Variants in AK8 observed in about 807,000 individuals in gnomAD.
AK8 encodes the protein adenylate kinase 8.
A neutral mutation model predicts 54.6 loss-of-function variants in AK8; 44 were observed. The ratio of observed to expected loss-of-function variants is 0.81; its 90% CI spans 0.63 to 1.04. The LOEUF is 1.04. AK8 is among the 50% of genes least tolerant of loss of function. The probability of loss-of-function intolerance (pLI) is 0.00; values close to 1 mark genes in which losing one functional copy is unlikely to be tolerated. For synonymous variants in AK8, 239 were observed against 245.6 expected (o/e 0.97, Z 0.25); for missense variants, 555 against 613.6 (o/e 0.90, Z 1.01).
intron 11 of AK8, among the ~76,000 whole-genome samples, chr9:132,789,319 T>C (rs1435091486): frequency 1.3e-5 from 2 of 149,084 alleles, no homozygotes; most frequent in Non-Finnish European, 1.5e-5. Context: ...CAAATTTGGC[T>C]AGGTGCAGTA....
At chr9:132,863,390 C>G (rs1236984558) in intron 4 of AK8, among the ~76,000 whole-genome samples, 1 of 152,266 alleles carries the variant, frequency 6.6e-6, no homozygotes, top group East Asian at 1.9e-4. Flanking sequence ...CCTGGACCAT[C>G]CCACCAAGGG....
chr9:132,738,796 C>T (rs980836803), intron 11 of AK8, among the ~76,000 whole-genome samples: 5 of 151,362 alleles, frequency 3.3e-5, no homozygotes, highest in African/African-American at 1.2e-4. Flanking sequence ...CTCTGCCCCC[C>T]CAGGCTGGAG....
At chr9:132,827,123 TG>T in intron 7 of AK8, 69 bp from the exon 8 acceptor site, 5 of 1,528,762 alleles carry the variant, frequency 3.3e-6, no homozygotes, top group Non-Finnish European at 4.5e-6. Context: ...TGTGCCTGGC[TG>T]GGGTGCTTGC....
At chr9:132,754,092 G>A (rs1319482790) in intron 11 of AK8, among the ~76,000 whole-genome samples, 1 of 152,126 alleles carries the variant, frequency 6.6e-6, no homozygotes, top group Non-Finnish European at 1.5e-5. Context: ...AACCCACTGA[G>A]GTCAGCAGAA....
chr9:132,866,840 C>T (rs373524770), intron 3 of AK8, 64 bp downstream of exon 3: 3 of 1,492,582 alleles, frequency 2.0e-6, no homozygotes, highest in South Asian at 1.1e-5. Flanking sequence ...GGTGCAGTCT[C>T]ATTCCAGCTC....
intron 5 of AK8, among the ~76,000 whole-genome samples, chr9:132,829,357 C>T (rs62576258): frequency 6.6e-4 from 100 of 152,096 alleles, no homozygotes; most frequent in Non-Finnish European, 1.3e-3. Flanking sequence ...TGTGCAATGT[C>T]CCACCAAGAG....
At chr9:132,779,480 C>T (rs532758193) in intron 11 of AK8, among the ~76,000 whole-genome samples, 12 of 152,316 alleles carry the variant, frequency 7.9e-5, no homozygotes, top group African/African-American at 2.4e-4. Flanking sequence ...CACCACCATG[C>T]GCGGCTTAGC....
At chr9:132,811,529 C>T (rs1343785146) in intron 10 of AK8, among the ~76,000 whole-genome samples, 2 of 152,374 alleles carry the variant, frequency 1.3e-5, no homozygotes, top group East Asian at 3.9e-4. Flanking sequence ...GGAAGGAGCA[C>T]AGCCCTACTA....
chr9:132,725,933 G>C lies in AK8; in HGVS notation c.1203-8C>G. 1 of 1,607,692 alleles carries C rather than the reference G, an allele frequency of 6.2e-7. No homozygotes were observed. The highest frequency in any genetic ancestry group is 8.5e-7 in the Non-Finnish European group (1 of 1,176,784). On this transcript the variant is annotated splice_region_variant and splice_polypyrimidine_tract_variant and intron_variant, in intron 12 of 12. Coordinates refer to ENST00000298545, the MANE Select transcript of AK8 (RefSeq NM_152572.3). ...TTGTACATGAGGTGGTACCTGCAAG[G>C]GAGGAAGGAAAGCAGGTGACCCATG...
At chr9:132,786,335 C>T (rs1180229142) in intron 11 of AK8, among the ~76,000 whole-genome samples, 2 of 152,194 alleles carry the variant, frequency 1.3e-5, no homozygotes, top group African/African-American at 2.4e-5. Context: ...AATACAGGCT[C>T]TTTGGGCTGA....
At chr9:132,779,191 A>G (rs1381283415) in intron 11 of AK8, among the ~76,000 whole-genome samples, 1 of 152,248 alleles carries the variant, frequency 6.6e-6, no homozygotes, top group Non-Finnish European at 1.5e-5. Flanking sequence ...TTGCCATCTT[A>G]GCCTCTTTGT....
At chr9:132,874,954 C>T (rs546290946) in intron 2 of AK8, among the ~76,000 whole-genome samples, 161 bp downstream of exon 2, 3 of 152,312 alleles carry the variant, frequency 2.0e-5, no homozygotes, top group East Asian at 1.9e-4. Flanking sequence ...TCTGACCTCC[C>T]TTCAGACACA....
At chr9:132,822,385 G>A (rs577698370) in intron 9 of AK8, among the ~76,000 whole-genome samples, 2 of 150,226 alleles carry the variant, frequency 1.3e-5, no homozygotes, top group African/African-American at 4.9e-5. Flanking sequence ...ATTTGTGTGT[G>A]TCCATATATT....
chr9:132,745,820 GC>G (rs1275626774), intron 11 of AK8, among the ~76,000 whole-genome samples: 1 of 152,102 alleles, frequency 6.6e-6, no homozygotes, highest in Non-Finnish European at 1.5e-5. Flanking sequence ...GTACAAGGTG[GC>G]CACCAGGAGC....
intron 9 of AK8, among the ~76,000 whole-genome samples, chr9:132,815,026 G>A (rs1026577257): frequency 6.6e-6 from 1 of 152,248 alleles, no homozygotes; most frequent in African/African-American, 2.4e-5. Flanking sequence ...GAGCCCTGCA[G>A]GGCCTCGCTG....
rs117168309 is a variant in AK8 at position 132,871,256 on chromosome 9, G to T, written c.169+3859C>A. Among the ~76,000 whole-genome samples, 13 of 151,932 alleles carry T rather than the reference G, an allele frequency of 8.6e-5. No individual in the cohort carries two copies. The East Asian group carries it at 2.5e-3, about 30-fold the overall frequency. On this transcript the variant is annotated intron_variant, in intron 2 of 12. Coordinates refer to ENST00000298545, the MANE Select transcript of AK8 (RefSeq NM_152572.3). ...GCCAGACTCCATCTCAAAACAAAAA[G>T]AAAAACAAAAAAACAGAAAAAGAAA...
At chr9:132,855,603 G>A (rs1419720320) in intron 4 of AK8, among the ~76,000 whole-genome samples, 6 of 152,206 alleles carry the variant, frequency 3.9e-5, no homozygotes, top group South Asian at 4.1e-4. Flanking sequence ...GCTGGTTGTT[G>A]AATATTGACC....
At chr9:132,795,828 G>A (rs148410369) in intron 10 of AK8, among the ~76,000 whole-genome samples, 7 of 152,308 alleles carry the variant, frequency 4.6e-5, no homozygotes, top group Admixed American at 2.0e-4. Context: ...TGGTTTGACC[G>A]GGCCTAGGAC....
intron 11 of AK8, among the ~76,000 whole-genome samples, chr9:132,732,424 C>G (rs1590165408): frequency 1.3e-5 from 2 of 152,176 alleles, no homozygotes; most frequent in East Asian, 3.9e-4. Context: ...AGGATTATGA[C>G]CGGTTCCTGA....
Sources: allele counts gnomAD v4.1 joint callset (sites outside exome capture counted in the v4.1 genomes callset), GRCh38; gene constraint gnomAD v4.1.1; transcripts MANE v1.5; gene names NCBI Gene and HGNC (gene_info 2026-07-23, HGNC 2026-07-21).